The following PSMB2 variants were observed in gnomAD, a reference collection of about 807,000 sequenced individuals.
PSMB2 encodes the protein proteasome subunit beta type-2.
Under a neutral mutation model 25.7 loss-of-function variants are expected in PSMB2, and 13 were observed. The observed-to-expected ratio is 0.51, with a 90% CI of 0.33 to 0.80. The LOEUF is 0.80. Among genes scored for constraint, PSMB2 ranks in the 30% least tolerant of loss-of-function variants. The pLI is 0.02. For synonymous variants in PSMB2, 87 were observed against 96.2 expected (o/e 0.90, Z 0.56); for missense variants, 202 against 259.0 (o/e 0.78, Z 1.51).
intron 3 of PSMB2, among the ~76,000 whole-genome samples, chr1:35,616,095 C>G (rs1650484075): frequency 6.6e-6 from 1 of 152,126 alleles, no homozygotes; most frequent in Non-Finnish European, 1.5e-5. Flanking sequence ...TACCCAGTAT[C>G]CCTTTTACAA....
intron 1 of PSMB2, among the ~76,000 whole-genome samples, chr1:35,640,939 C>A (rs1443944339): frequency 6.6e-6 from 1 of 152,138 alleles, no homozygotes; most frequent in Non-Finnish European, 1.5e-5. Flanking sequence ...GCCTGTAATC[C>A]CAGCACTTTG....
intron 3 of PSMB2, among the ~76,000 whole-genome samples, chr1:35,613,577 G>A (rs1421949484): frequency 6.6e-6 from 1 of 152,210 alleles, no homozygotes; most frequent in Non-Finnish European, 1.5e-5. Flanking sequence ...CTTCTGAGAA[G>A]TGGTTCAAGT....
At position 35,635,584 on chromosome 1, in the gene PSMB2, A is replaced by G. The variant is rs372904631; in HGVS notation, c.214+726T>C. 5.3e-5 allele frequency among the ~76,000 whole-genome samples: 8 copies of G among 152,104 alleles called. No homozygotes were observed. The East Asian group carries it at 9.7e-4, about 18-fold the overall frequency. The stretch of plus-strand genomic sequence containing the variant: ...GGTGGCTCACGCCTGTAATCCCAGC[A>G]CTTTGGGAGGCCGAGGTGGGCAGAT... On this transcript the variant is annotated intron_variant, in intron 2 of 5. Coordinates refer to ENST00000373237, the MANE Select transcript of PSMB2 (RefSeq NM_002794.5).
At chr1:35,608,890 T>C (rs1650249073) in intron 4 of PSMB2, among the ~76,000 whole-genome samples, 2 of 152,142 alleles carry the variant, frequency 1.3e-5, no homozygotes, top group South Asian at 4.1e-4. Context: ...ATGCCAAAAA[T>C]CTAGGCAAAG....
chr1:35,620,371 C>T (rs1178142215), intron 3 of PSMB2, among the ~76,000 whole-genome samples: 2 of 152,154 alleles, frequency 1.3e-5, no homozygotes, highest in Non-Finnish European at 2.9e-5. Flanking sequence ...CCTCATTGGT[C>T]TCCCCGCTTC....
chr1:35,623,010 C>T (rs1439378584), intron 3 of PSMB2, among the ~76,000 whole-genome samples: 1 of 152,160 alleles, frequency 6.6e-6, no homozygotes, highest in Non-Finnish European at 1.5e-5. Flanking sequence ...TGTCAGAATG[C>T]TTACTCCTCC....
rs1425192071 is a variant in PSMB2 at position 35,628,627 on chromosome 1, ATATATT to A, written c.285+2641_285+2646del. Among the ~76,000 whole-genome samples the A allele has an allele frequency of 3.0e-3, 128 of 42,928 alleles. 1 individual carries two copies. The highest frequency in any genetic ancestry group is 9.5e-3 in the African/African-American group (83 of 8,746). The allele number at this position is 42,928 out of a possible 152,430, so 28.2% of individuals were successfully genotyped here. ...TATATATATATATATATATATATAT[ATATATT>A]TTTTTTTTTTTTTTTAAAGAAAAGA... On this transcript the variant is annotated intron_variant, in intron 3 of 5. Coordinates refer to ENST00000373237, the MANE Select transcript of PSMB2 (RefSeq NM_002794.5).
intron 1 of PSMB2, among the ~76,000 whole-genome samples, chr1:35,639,703 A>G (rs516798): frequency 1 from 152,138 of 152,360 alleles, 75,961 homozygotes; most frequent in Middle Eastern, 1. Flanking sequence ...ACCTGTAAAG[A>G]TAATGATTAT....
chr1:35,633,775 C>A (rs1241899770), intron 2 of PSMB2, among the ~76,000 whole-genome samples: 1 of 152,256 alleles, frequency 6.6e-6, no homozygotes, highest in East Asian at 1.9e-4. Flanking sequence ...TCTTTGAATT[C>A]TCTTAAGTAT....
chr1:35,614,569 G>C (rs889246363), intron 3 of PSMB2, among the ~76,000 whole-genome samples: 3 of 152,146 alleles, frequency 2.0e-5, no homozygotes, highest in Non-Finnish European at 1.5e-5. Context: ...TACAAGACTA[G>C]GCTTCTTCCA....
intron 3 of PSMB2, among the ~76,000 whole-genome samples, chr1:35,629,742 T>C (rs1175680503): frequency 1.3e-5 from 2 of 148,624 alleles, no homozygotes; most frequent in African/African-American, 5.0e-5. Context: ...CCCGGGAAGT[T>C]GAGGCTTCAG....
At position 35,628,590 on chromosome 1, in the gene PSMB2, AAAAAAAATATATATATATAT is replaced by A. The variant is rs1222933428; in HGVS notation, c.285+2664_285+2683del. On this transcript the variant is annotated intron_variant, in intron 3 of 5. Coordinates refer to ENST00000373237, the MANE Select transcript of PSMB2 (RefSeq NM_002794.5). ...GACTTTCTTGGAAGAAAAAAAAAAA[AAAAAAAATATATATATATAT>A]ATATATATATATATATATATATTTT... is the stretch of plus-strand genomic sequence containing the variant. Among the ~76,000 whole-genome samples, 18 of 16,574 alleles carry A rather than the reference AAAAAAAATATATATATATAT, an allele frequency of 1.1e-3. 1 individual carries two copies. Among genetic ancestry groups the A allele is most frequent in the Non-Finnish European group, 1.8e-3 (17 of 9,674 alleles). 10.9% of individuals were successfully genotyped at this position (16,574 alleles called of 152,430 possible). A position where few individuals can be genotyped will look rare whatever the true frequency, so the allele number is the denominator to read the frequency against.
In PSMB2 at chr1:35,625,644, C is replaced by T. The variant is rs533972205; in HGVS notation, c.285+5630G>A. Among the ~76,000 whole-genome samples, 16 of 151,816 alleles carry T rather than the reference C, an allele frequency of 1.1e-4. No homozygotes were observed. The East Asian group carries it at 1.6e-3, about 15-fold the overall frequency. On this transcript the variant is annotated intron_variant, in intron 3 of 5. Transcript: ENST00000373237. Reference sequence around the variant, plus strand: ...AGGCATGGTGACGGGCGCCTGTAGTCCCAGCTACTCAGGAGGCTGAGGCAG... The same window carrying T: ...AGGCATGGTGACGGGCGCCTGTAGTTCCAGCTACTCAGGAGGCTGAGGCAG...
chr1:35,618,969 T>C (rs1217044083), intron 3 of PSMB2, among the ~76,000 whole-genome samples: 1 of 152,234 alleles, frequency 6.6e-6, no homozygotes, highest in East Asian at 1.9e-4. Context: ...AGGAGGCAAG[T>C]GTGCCTCAAA....
At position 35,641,338 on chromosome 1, in the gene PSMB2, T is replaced by C; in HGVS notation, c.91+4A>G. The C allele has an allele frequency of 6.2e-7, 1 of 1,614,078 alleles. No individual in the cohort carries two copies. Among genetic ancestry groups the C allele is most frequent in the Non-Finnish European group, 8.5e-7 (1 of 1,180,002 alleles). On this transcript the variant is annotated splice_donor_region_variant and intron_variant, in intron 1 of 5. Transcript: ENST00000373237. ...CTGGCCGGGCCTCCCCTGCTTCCTC[T>C]CACCGTCCTTCATCTGGACAATATT... is the stretch of plus-strand genomic sequence containing the variant.
intron 4 of PSMB2, among the ~76,000 whole-genome samples, chr1:35,605,867 G>A (rs1650153239): frequency 6.6e-6 from 1 of 152,180 alleles, no homozygotes; most frequent in Admixed American, 6.5e-5. Context: ...TTATTTTGGT[G>A]GGCAAATCAG....
intron 5 of PSMB2, 125 bp downstream of exon 5, chr1:35,605,108 T>C: frequency 1.2e-6 from 1 of 821,724 alleles, no homozygotes; most frequent in South Asian, 1.8e-5. Context: ...CAACTTCACA[T>C]CTGGTTAGTG....
At chr1:35,610,094 T>C (rs1650286358) in intron 3 of PSMB2, among the ~76,000 whole-genome samples, 1 of 152,156 alleles carries the variant, frequency 6.6e-6, no homozygotes. Context: ...ACAAACTCAG[T>C]CTGGGCATCT....
chr1:35,606,521 A>G (rs1469333287), intron 4 of PSMB2, among the ~76,000 whole-genome samples: 3 of 152,222 alleles, frequency 2.0e-5, no homozygotes, highest in African/African-American at 7.2e-5. Context: ...AACGAAAACT[A>G]TAAAACACTG....
Sources: allele counts gnomAD v4.1 joint callset (sites outside exome capture counted in the v4.1 genomes callset), GRCh38; gene constraint gnomAD v4.1.1; transcripts MANE v1.5; gene names NCBI Gene and HGNC (gene_info 2026-07-23, HGNC 2026-07-21).